The following ZNF335 variants were observed in gnomAD, a reference collection of about 807,000 sequenced individuals.
ZNF335 encodes the protein zinc finger protein 335, also known as NRC-interacting factor 1.
ZNF335 carries 84 observed loss-of-function variants against 145.6 expected under a neutral mutation model. The observed-to-expected ratio is 0.58, with a 90% CI of 0.48 to 0.69. ZNF335 has a LOEUF of 0.69. Among genes scored for constraint, ZNF335 ranks in the 30% least tolerant of loss-of-function variants. ZNF335 has a pLI of 0.00. For synonymous variants in ZNF335, 761 were observed against 717.0 expected, an observed-to-expected ratio of 1.06 and a Z score of -0.98; for missense variants, 1,865 against 1,809.7, an observed-to-expected ratio of 1.03 and a Z score of -0.55.
chr20:45,967,776 C>G lies in ZNF335; in HGVS notation c.772G>C (p.Ala258Pro). Residue 258 changes from alanine (A) to proline (P), a missense_variant, in exon 5 of 28, where the codon GCC (alanine) becomes CCC (proline). Ala to Pro is a conservative substitution (Grantham distance 27, BLOSUM62 -1). Transcript: ENST00000322927. ...TCCCGCATGTGGCGCAGCAGTGTGG[C>G]CTTGGTGCTGCTCCGGTACTGGCAC... The part of the protein sequence containing the change: ...KMCQYRSSTK[A>P]TLLRHMRERH... 1 of 1,613,478 alleles carries G rather than the reference C, an allele frequency of 6.2e-7. No individual in the cohort carries two copies. The highest frequency in any genetic ancestry group is 8.5e-7 in the Non-Finnish European group (1 of 1,179,990).
chr20:45,971,761 T>C, intron 1 of ZNF335: 1 of 985,404 alleles, frequency 1.0e-6, no homozygotes, highest in South Asian at 4.7e-5. Flanking sequence ...GGCCCAGTGG[T>C]TCAGCCCTTC....
At chr20:45,949,748 T>C (rs1192280122) in intron 24 of ZNF335, 52 bp downstream of exon 24, 13 of 1,590,978 alleles carry the variant, frequency 8.2e-6, no homozygotes, top group East Asian at 2.2e-5. Flanking sequence ...GGTAGGTCTT[T>C]GGGAGGGTAG....
rs762116333 is a variant in ZNF335, at chr20:45,971,428, T to C, written c.-18A>G. The C allele has an allele frequency of 1.9e-6, 3 of 1,598,176 alleles. No homozygotes were observed. The highest frequency in any genetic ancestry group is 2.7e-5 in the African/African-American group (2 of 74,902). On this transcript the variant is annotated 5_prime_UTR_variant, in exon 2 of 28. Transcript: ENST00000322927. Reference sequence around the variant, plus strand: ...TCCTCCATCTGATCGGCGGGCTGCCTGACAGCGGGGCGTAGGGTCTGGGAA... The same window carrying C: ...TCCTCCATCTGATCGGCGGGCTGCCCGACAGCGGGGCGTAGGGTCTGGGAA...
intron 6 of ZNF335, among the ~76,000 whole-genome samples, chr20:45,966,551 CTTTTTTTT>C (rs34666532): frequency 7.1e-6 from 1 of 140,560 alleles, no homozygotes; most frequent in African/African-American, 2.6e-5. Context: ...CTTTTTCTTT[CTTTTTTTT>C]TTTTTTTCTG....
At chr20:45,952,122 A>G (rs541487683) in intron 20 of ZNF335, 25 bp downstream of exon 20, 3 of 1,563,636 alleles carry the variant, frequency 1.9e-6, no homozygotes, top group Non-Finnish European at 8.7e-7. Context: ...ATGACAGCAG[A>G]GACACAGGAG....
chr20:45,950,682 A>C (rs2083614881), intron 20 of ZNF335, 87 bp from the exon 21 acceptor site: 1 of 1,570,346 alleles, frequency 6.4e-7, no homozygotes, highest in South Asian at 1.1e-5. Context: ...CTGGTCAGGG[A>C]ACCAGACAAA....
chr20:45,949,618 C>T lies in ZNF335; in HGVS notation c.3670-50G>A, dbSNP rs200761168. The T allele has an allele frequency of 1.8e-4, 286 of 1,551,542 alleles. No individual in the cohort carries two copies. The African/African-American group carries it at 2.9e-3, about 16-fold the overall frequency. On this transcript the variant is annotated intron_variant, in intron 24 of 27. Transcript: ENST00000322927. ...GCGAGGCAGGTGCTGAGGCCCCACT[C>T]GCCAGGAGCTTAGCTAAGAAGGCAG...
rs2084086015 is a variant in ZNF335 at position 45,972,180 on chromosome 20, CT to C, written c.-110del. On this transcript the variant is annotated 5_prime_UTR_variant, in exon 1 of 28. Coordinates refer to ENST00000322927, the MANE Select transcript of ZNF335 (RefSeq NM_022095.4). ...CCGGCATCGACGAGGTCGCCATCCT[CT>C]TTCCTCCGCTGCGGAGGAACCCATC... is the stretch of plus-strand genomic sequence containing the variant. 1 of 1,289,564 alleles carries C rather than the reference CT, an allele frequency of 7.8e-7. No homozygotes were observed. The highest frequency in any genetic ancestry group is 1.0e-6 in the Non-Finnish European group (1 of 988,718). The allele number at this position is 1,289,564 out of a possible 1,614,324, so 79.9% of individuals were successfully genotyped here.
intron 10 of ZNF335, among the ~76,000 whole-genome samples, chr20:45,961,303 A>G (rs2083839362): frequency 6.6e-6 from 1 of 152,144 alleles, no homozygotes; most frequent in Non-Finnish European, 1.5e-5. Flanking sequence ...AAGCAGAAAG[A>G]TCGCTTAAGC....
rs915679520 is a variant in ZNF335 at position 45,957,623 on chromosome 20, A to G, written c.2405T>C (p.Met802Thr). 3 of 1,614,042 alleles carry G rather than the reference A, an allele frequency of 1.9e-6. No homozygotes were observed. In the African/African-American group the frequency reaches 4.0e-5, roughly 22 times the overall value. Reference protein sequence around the residue: ...TQTALDLLLNMSAQRELGGTA... With the variant: ...TQTALDLLLNTSAQRELGGTA... Reference sequence around the variant, plus strand: ...GCCCCCCAGTTCCCGCTGAGCACTCATGTTCAGCAGAAGATCCAAGGCTGT... The same window carrying G: ...GCCCCCCAGTTCCCGCTGAGCACTCGTGTTCAGCAGAAGATCCAAGGCTGT... Residue 802 changes from methionine to threonine, a missense_variant, in exon 17 of 28, where the codon ATG (methionine) becomes ACG (threonine). Coordinates refer to ENST00000322927, the MANE Select transcript of ZNF335 (RefSeq NM_022095.4).
rs746005170 is a variant in ZNF335, at chr20:45,960,236, C to T, written c.1992G>A (p.Leu664=). The T allele has an allele frequency of 6.8e-6, 11 of 1,614,138 alleles. 1 individual carries two copies. In the South Asian group the frequency reaches 1.2e-4, roughly 18 times the overall value. ...TGTGCTTGACAGCCACATGGGACAG[C>T]AAGAAGTCCTCTCGGAAGGTGCGGT... ...CPYRTFREDF[L]LSHVAVKHTG... is the part of the protein sequence containing the mutation. The change falls in exon 14 of 28, where the codon TTG becomes TTA. Residue 664 remains leucine, a synonymous_variant. Coordinates refer to ENST00000322927, the MANE Select transcript of ZNF335 (RefSeq NM_022095.4).
chr20:45,951,474 A>C (rs553247641), intron 20 of ZNF335, among the ~76,000 whole-genome samples: 1 of 152,162 alleles, frequency 6.6e-6, no homozygotes, highest in Non-Finnish European at 1.5e-5. Context: ...GGCACCAGGG[A>C]CTGGTTTTAT....
intron 9 of ZNF335, 40 bp from the exon 10 acceptor site, chr20:45,962,222 C>T: frequency 5.9e-6 from 9 of 1,532,872 alleles, no homozygotes; most frequent in Non-Finnish European, 7.2e-6. Flanking sequence ...GGGGCTTGGC[C>T]TCCTCTCCCA....
chr20:45,957,547 C>T (rs747152241), intron 17 of ZNF335, 39 bp downstream of exon 17: 60 of 1,591,542 alleles, frequency 3.8e-5, no homozygotes, highest in East Asian at 4.5e-5. Context: ...TGGGTACCTG[C>T]GGTAGCTGGG....
Position 45,967,534 on chromosome 20 carries a change from A to G in ZNF335, c.915T>C (p.Asp305=), listed in dbSNP as rs777874311. Residue 305 remains aspartate (D), a synonymous_variant, in exon 6 of 28, where the codon GAT becomes GAC. Coordinates refer to ENST00000322927, the MANE Select transcript of ZNF335 (RefSeq NM_022095.4). Reference sequence around the variant, plus strand: ...TGGCTCCAGCGTCTACAATGTCATCATCGTCCTCCTCCTCTGGTCCCTCTT... The same window carrying G: ...TGGCTCCAGCGTCTACAATGTCATCGTCGTCCTCCTCCTCTGGTCCCTCTT... ...QEEEGPEEED[D]DDIVDAGAID... 5 of 1,613,854 alleles carry G rather than the reference A, an allele frequency of 3.1e-6. No homozygotes were observed. In the South Asian group the frequency reaches 5.5e-5, roughly 18 times the overall value.
intron 20 of ZNF335, among the ~76,000 whole-genome samples, chr20:45,950,963 G>A (rs1181524309): frequency 6.6e-6 from 1 of 152,066 alleles, no homozygotes; most frequent in Non-Finnish European, 1.5e-5. Flanking sequence ...CGTGATCTCG[G>A]CTCACTGCAA....
intron 16 of ZNF335, 44 bp from the exon 17 acceptor site, chr20:45,957,724 G>A (rs752806363): frequency 3.1e-6 from 5 of 1,609,088 alleles, no homozygotes; most frequent in African/African-American, 1.3e-5. Context: ...CTAGAAAACT[G>A]GCACCCAATA....
Position 45,957,639 on chromosome 20 carries a change from C to A in ZNF335, c.2389G>T (p.Asp797Tyr). Residue 797 changes from aspartate to tyrosine, a missense_variant, in exon 17 of 28, where the codon GAT (aspartate) becomes TAT (tyrosine). Physicochemically the swap from Asp to Tyr is radical, Grantham distance 160 (BLOSUM62 -3). Transcript: ENST00000322927. ...STAMATQTAL[D>Y]LLLNMSAQRE... is the part of the protein sequence containing the mutation. ...TGAGCACTCATGTTCAGCAGAAGAT[C>A]CAAGGCTGTCTGCGTGGCCATCGCT... 1 of 1,614,178 alleles carries A rather than the reference C, an allele frequency of 6.2e-7. No individual in the cohort carries two copies. The highest frequency in any genetic ancestry group is 8.5e-7 in the Non-Finnish European group (1 of 1,180,034).
rs2083604958 is a variant in ZNF335 at position 45,950,224 on chromosome 20, A to G, written c.3482T>C (p.Leu1161Pro). The stretch of plus-strand genomic sequence containing the variant: ...TGGCCCCAGGGGCAGCTCACTGTGC[A>G]GGGTGGCCAGTGTTTCGTCATCACT... ...LNSDDETLAT[L>P]HTALQSSHGV... Residue 1161 changes from leucine to proline, a missense_variant, in exon 22 of 28, where the codon CTG becomes CCG. Leu to Pro is a moderately conservative substitution (Grantham distance 98, BLOSUM62 -3). Transcript: ENST00000322927. 2 of 1,548,356 alleles carry G rather than the reference A, an allele frequency of 1.3e-6. No individual in the cohort carries two copies. The highest frequency in any genetic ancestry group is 4.5e-5 in the East Asian group (2 of 44,334).
Sources: allele counts gnomAD v4.1 joint callset (sites outside exome capture counted in the v4.1 genomes callset), GRCh38; gene constraint gnomAD v4.1.1; transcripts MANE v1.5; gene names NCBI Gene and HGNC (gene_info 2026-07-23, HGNC 2026-07-21).